POLA1: variants seen among roughly 807,000 people sequenced by gnomAD.
POLA1 encodes DNA polymerase alpha 1, catalytic subunit.
POLA1 carries 15 observed loss-of-function variants against 124.0 expected under a neutral mutation model. The observed-to-expected ratio is 0.12, with a 90% CI of 0.08 to 0.19. The LOEUF is 0.19. POLA1 is among the 10% of genes least tolerant of loss of function. POLA1 has a pLI of 1.00. For missense variants in POLA1, 886 were observed against 1,103.4 expected, an observed-to-expected ratio of 0.80 and a Z score of 2.79; for synonymous variants, 408 against 389.4, an observed-to-expected ratio of 1.05 and a Z score of -0.56.
intron 26 of POLA1, among the ~76,000 whole-genome samples, chrX:24,750,049 TCG>T (rs1229991815): frequency 8.9e-6 from 1 of 111,806 alleles, no homozygotes; most frequent in Non-Finnish European, 1.9e-5. Flanking sequence ...ATGATGGCCA[TCG>T]GGGCAAATGC....
At chrX:24,822,258 T>A (rs767414476) in intron 31 of POLA1, among the ~76,000 whole-genome samples, 2 of 111,570 alleles carry the variant, frequency 1.8e-5, no homozygotes, top group South Asian at 7.5e-4. Flanking sequence ...AAAGGAGAGG[T>A]CTCATCCCTT....
chrX:24,954,950 G>T (rs1377087904), intron 36 of POLA1, among the ~76,000 whole-genome samples: 1 of 111,498 alleles, frequency 9.0e-6, no homozygotes, highest in Non-Finnish European at 1.9e-5. Context: ...GCTATAAAAG[G>T]ACTTTCAGTT....
Position 24,930,532 on chromosome X carries a change from C to A in POLA1, c.4244C>A (p.Thr1415Asn), listed in dbSNP as rs1341582520. Residue 1415 changes from threonine (T) to asparagine (N), a missense_variant, in exon 36 of 37, where the codon ACT becomes AAT. Thr to Asn is a moderately conservative substitution (Grantham distance 65, BLOSUM62 0). Coordinates refer to ENST00000379068, the MANE Select transcript of POLA1 (RefSeq NM_001330360.2). ...GCGGAGTGTGCACTGGAGAAACTTA[C>A]TACCGATCATGAGAAAGGTACGTTA... ...FDAECALEKL[T>N]TDHEKDKLKK... 2.6e-6 allele frequency: 3 copies of A among 1,162,269 alleles called. No individual in the cohort carries two copies.
At chrX:24,880,450 G>A (rs1012578285) in intron 34 of POLA1, among the ~76,000 whole-genome samples, 7 of 111,774 alleles carry the variant, frequency 6.3e-5, no homozygotes, top group African/African-American at 1.9e-4. Flanking sequence ...TATTTTTCCT[G>A]ATTTACTCTT....
At chrX:24,834,640 G>A (rs1465890375) in intron 32 of POLA1, among the ~76,000 whole-genome samples, 3 of 111,068 alleles carry the variant, frequency 2.7e-5, no homozygotes, top group South Asian at 7.7e-4. Flanking sequence ...TTAGCCAGGC[G>A]TGGTGGCGGG....
intron 10 of POLA1, among the ~76,000 whole-genome samples, chrX:24,718,638 G>A (rs968108837): frequency 8.0e-5 from 9 of 112,105 alleles, no homozygotes; most frequent in Non-Finnish European, 7.5e-5. Context: ...TGGTGGTCAC[G>A]TAATTGGGTT....
intron 36 of POLA1, among the ~76,000 whole-genome samples, chrX:24,939,240 T>C (rs994981488): frequency 1.8e-5 from 2 of 112,230 alleles, no homozygotes; most frequent in African/African-American, 3.2e-5. Flanking sequence ...ATACTAAAGA[T>C]TGATAAGTTT....
chrX:24,782,685 T>C (rs2045289706), intron 26 of POLA1, among the ~76,000 whole-genome samples: 1 of 111,112 alleles, frequency 9.0e-6, no homozygotes, highest in Non-Finnish European at 1.9e-5. Flanking sequence ...GTGGTCCCCA[T>C]GTACTGCCAA....
chrX:24,958,060 A>C (rs2048126822), intron 36 of POLA1, among the ~76,000 whole-genome samples: 1 of 110,600 alleles, frequency 9.0e-6, no homozygotes, highest in Admixed American at 9.7e-5. Flanking sequence ...GTATATTGGG[A>C]GGTTAAGAGT....
chrX:24,902,816 A>G (rs1230505426), intron 35 of POLA1, among the ~76,000 whole-genome samples: 3 of 112,378 alleles, frequency 2.7e-5, no homozygotes, highest in Non-Finnish European at 5.6e-5. Flanking sequence ...GACACATAAA[A>G]AAGGATATAG....
At chrX:24,880,849 G>A (rs941581275) in intron 34 of POLA1, among the ~76,000 whole-genome samples, 10 of 111,740 alleles carry the variant, frequency 8.9e-5, no homozygotes, top group African/African-American at 3.3e-4. Flanking sequence ...AGTACATCTA[G>A]TTTTGGTATA....
intron 36 of POLA1, among the ~76,000 whole-genome samples, chrX:24,935,935 C>A (rs1194170079): frequency 8.9e-6 from 1 of 112,819 alleles, no homozygotes; most frequent in Admixed American, 9.4e-5. Flanking sequence ...GAACTCTTTG[C>A]AAGTGATACT....
At chrX:24,694,139 G>A in intron 1 of POLA1, 135 bp downstream of exon 1, 1 of 638,457 alleles carries the variant, frequency 1.6e-6, no homozygotes, top group Non-Finnish European at 2.3e-6. Context: ...GGGCCCTTCT[G>A]GCGTCGGACC....
chrX:24,711,646 G>C (rs1317858512), intron 4 of POLA1, among the ~76,000 whole-genome samples: 1 of 110,479 alleles, frequency 9.1e-6, no homozygotes, highest in Non-Finnish European at 1.9e-5. Flanking sequence ...TGCCTAAGCT[G>C]GAGTACAATG....
chrX:24,901,991 C>T (rs1026210744), intron 35 of POLA1, among the ~76,000 whole-genome samples: 1 of 109,632 alleles, frequency 9.1e-6, no homozygotes, highest in African/African-American at 3.4e-5. Flanking sequence ...CCCCTCTGCG[C>T]GTGCATGTGC....
At chrX:24,930,677 A>G in intron 36 of POLA1, 128 bp downstream of exon 36, 2 of 490,769 alleles carry the variant, frequency 4.1e-6, no homozygotes, top group Non-Finnish European at 7.1e-6. Context: ...GTGGGGGCCT[A>G]TGTGAACACA....
intron 28 of POLA1, among the ~76,000 whole-genome samples, chrX:24,812,362 T>G (rs2045917140): frequency 8.9e-6 from 1 of 112,209 alleles, no homozygotes; most frequent in Non-Finnish European, 1.9e-5. Flanking sequence ...AAGGACTGTT[T>G]CATAATTTTC....
chrX:24,791,566 A>G (rs1354350676), intron 26 of POLA1, among the ~76,000 whole-genome samples: 1 of 111,978 alleles, frequency 8.9e-6, no homozygotes, highest in Non-Finnish European at 1.9e-5. Flanking sequence ...TTGTATTTTT[A>G]GTAGAGATGG....
intron 34 of POLA1, among the ~76,000 whole-genome samples, chrX:24,886,772 C>T (rs953053459): frequency 4.5e-5 from 5 of 112,153 alleles, no homozygotes; most frequent in Non-Finnish European, 3.8e-5. Context: ...TGTGGTTATG[C>T]GTGTTATTGA....
Sources: gnomAD v4.1 joint callset for allele counts (sites outside exome capture counted in the v4.1 genomes callset) on GRCh38, gnomAD v4.1.1 for gene constraint, MANE v1.5 for transcripts, NCBI Gene and HGNC (gene_info 2026-07-23, HGNC 2026-07-21) for gene names.